Variants in MDGA2 observed in about 807,000 individuals in gnomAD.
MDGA2 encodes the protein MAM domain containing glycosylphosphatidylinositol anchor 2.
MDGA2 carries 40 observed loss-of-function variants against 117.8 expected under a neutral mutation model. The ratio of observed to expected loss-of-function variants is 0.34; its 90% CI spans 0.26 to 0.44. The LOEUF is 0.44. Ranked by LOEUF, MDGA2 falls within the 20% of genes least tolerant of loss-of-function variation. The pLI, the probability that MDGA2 is intolerant of heterozygous loss-of-function variation, is 1.00. For synonymous variants in MDGA2, 452 were observed against 439.0 expected (o/e 1.03, Z -0.37); for missense variants, 1,123 against 1,250.6 (o/e 0.90, Z 1.54).
intron 1 of MDGA2, among the ~76,000 whole-genome samples, chr14:47,471,383 C>T (rs1370987622): frequency 1.3e-5 from 2 of 151,932 alleles, no homozygotes; most frequent in East Asian, 1.9e-4. Flanking sequence ...TTTATTTCTA[C>T]TCTAGATTAA....
intron 3 of MDGA2, among the ~76,000 whole-genome samples, chr14:47,173,019 C>T (rs950384895): frequency 4.6e-5 from 7 of 151,796 alleles, no homozygotes; most frequent in Non-Finnish European, 8.8e-5. Context: ...CCCCAGGAGC[C>T]GATGCGATCA....
At chr14:47,104,870 C>T (rs539668046) in intron 5 of MDGA2, among the ~76,000 whole-genome samples, 1 of 152,008 alleles carries the variant, frequency 6.6e-6, no homozygotes, top group Non-Finnish European at 1.5e-5. Flanking sequence ...ACCTCCCTCA[C>T]TATCCCTCAA....
At chr14:47,544,458 G>A (rs1895418024) in intron 1 of MDGA2, among the ~76,000 whole-genome samples, 1 of 152,102 alleles carries the variant, frequency 6.6e-6, no homozygotes, top group African/African-American at 2.4e-5. Context: ...TGAATGAATG[G>A]GTGGATGGGA....
chr14:47,248,322 AT>A lies in MDGA2; in HGVS notation c.421-30128del, dbSNP rs1023572476. Among the ~76,000 whole-genome samples, 116 of 151,836 alleles carry A rather than the reference AT, an allele frequency of 7.6e-4. 1 individual carries two copies. Among genetic ancestry groups the A allele is most frequent in the African/African-American group, 2.7e-3 (114 of 41,522 alleles). ...TCAGACGGAATAATAGGAATAGAAA[AT>A]TATAACATAAAAAGCATGCCTCTTT... On this transcript the variant is annotated intron_variant, in intron 2 of 16. Coordinates refer to ENST00000399232, the MANE Select transcript of MDGA2 (RefSeq NM_001113498.3).
chr14:47,386,441 C>G (rs1330947634), intron 1 of MDGA2, among the ~76,000 whole-genome samples: 1 of 152,126 alleles, frequency 6.6e-6, no homozygotes, highest in Non-Finnish European at 1.5e-5. Context: ...ATCAGTTTCA[C>G]AATGAAATGG....
chr14:47,091,054 A>C (rs1879626305), intron 6 of MDGA2, among the ~76,000 whole-genome samples: 1 of 152,224 alleles, frequency 6.6e-6, no homozygotes, highest in South Asian at 2.1e-4. Flanking sequence ...GTTACATAGC[A>C]ATGAATAATC....
At chr14:47,069,887 C>A (rs1314116849) in intron 6 of MDGA2, among the ~76,000 whole-genome samples, 1 of 152,156 alleles carries the variant, frequency 6.6e-6, no homozygotes. Flanking sequence ...TAATTACTAA[C>A]AATTTATGTA....
intron 1 of MDGA2, among the ~76,000 whole-genome samples, chr14:47,476,344 T>A (rs1490848578): frequency 9.9e-5 from 15 of 152,028 alleles, no homozygotes; most frequent in Admixed American, 9.8e-4. Flanking sequence ...AATAAAATAA[T>A]GTTAAATAAG....
At chr14:47,313,992 A>G (rs1889723440) in intron 1 of MDGA2, among the ~76,000 whole-genome samples, 1 of 152,186 alleles carries the variant, frequency 6.6e-6, no homozygotes, top group East Asian at 1.9e-4. Context: ...ATACACTTGT[A>G]ACTCCAAATA....
At chr14:47,431,573 C>T (rs536084743) in intron 1 of MDGA2, among the ~76,000 whole-genome samples, 1 of 152,116 alleles carries the variant, frequency 6.6e-6, no homozygotes, top group East Asian at 1.9e-4. Context: ...CAGGTCTTGG[C>T]TTTACTACTA....
chr14:47,008,907 C>T (rs886853152), intron 8 of MDGA2, among the ~76,000 whole-genome samples: 4 of 151,914 alleles, frequency 2.6e-5, no homozygotes, highest in African/African-American at 7.2e-5. Flanking sequence ...CTGAGCACAT[C>T]TTAGCTGTTC....
chr14:47,186,509 T>A (rs538681308), intron 3 of MDGA2, among the ~76,000 whole-genome samples: 1 of 151,906 alleles, frequency 6.6e-6, no homozygotes, highest in African/African-American at 2.4e-5. Flanking sequence ...GGGTGCTTAC[T>A]ATAGCCTAAT....
chr14:46,912,445 GA>G (rs1158791287), intron 10 of MDGA2, among the ~76,000 whole-genome samples: 1 of 152,032 alleles, frequency 6.6e-6, no homozygotes, highest in Non-Finnish European at 1.5e-5. Context: ...ACATATTGAA[GA>G]AAAAGTGTTC....
chr14:47,076,431 CAGTT>C (rs1166221063), intron 6 of MDGA2, among the ~76,000 whole-genome samples: 3 of 151,988 alleles, frequency 2.0e-5, no homozygotes, highest in Admixed American at 6.6e-5. Context: ...TCTGAAAGCT[CAGTT>C]AGGCCAAATG....
intron 5 of MDGA2, among the ~76,000 whole-genome samples, chr14:47,107,471 C>T (rs1230975716): frequency 6.6e-6 from 1 of 152,072 alleles, no homozygotes; most frequent in Non-Finnish European, 1.5e-5. Flanking sequence ...CACCCTTAAT[C>T]CCAGGCTCTC....
At chr14:47,478,715 G>A (rs893590591) in intron 1 of MDGA2, among the ~76,000 whole-genome samples, 2 of 152,172 alleles carry the variant, frequency 1.3e-5, no homozygotes, top group Non-Finnish European at 2.9e-5. Flanking sequence ...TACAAGAGCA[G>A]TATCTCTCCT....
At position 47,155,885 on chromosome 14, in the gene MDGA2, CTTCTTTTTTTTTTT is replaced by C. The variant is rs1199920218; in HGVS notation, c.596-11625_596-11612del. On this transcript the variant is annotated intron_variant, in intron 3 of 16. Coordinates refer to ENST00000399232, the MANE Select transcript of MDGA2 (RefSeq NM_001113498.3). Reference sequence around the variant, plus strand: ...ACAATTCTTTTCTTTTCTTCTTCTTCTTCTTTTTTTTTTTTTTTTTTTTTTTTTTTTTTTTTTTT... The same window carrying C: ...ACAATTCTTTTCTTTTCTTCTTCTTCTTTTTTTTTTTTTTTTTTTTTTTTT... 4.8e-3 allele frequency among the ~76,000 whole-genome samples: 384 copies of C among 79,962 alleles called. 16 individuals carry two copies. The highest frequency in any genetic ancestry group is 0.011 in the Admixed American group (65 of 5,934). The allele number at this position is 79,962 out of a possible 152,430, so 52.5% of individuals were successfully genotyped here. A position where few individuals can be genotyped will look rare whatever the true frequency, so the allele number is the denominator to read the frequency against.
At chr14:47,243,686 T>A (rs1887144249) in intron 2 of MDGA2, among the ~76,000 whole-genome samples, 2 of 150,906 alleles carry the variant, frequency 1.3e-5, no homozygotes, top group African/African-American at 4.9e-5. Flanking sequence ...TCCGAACAGA[T>A]CTGAACATCA....
chr14:47,675,090 G>A lies in MDGA2; in HGVS notation c.-294C>T, dbSNP rs1046835940. The stretch of plus-strand genomic sequence containing the variant: ...GGCTTGGACAGCCGAGGAGCAGGAA[G>A]TGGCCTCTGACCCAGGACACCGAGC... On this transcript the variant is annotated 5_prime_UTR_variant, in exon 1 of 17. Transcript: ENST00000399232. The A allele has an allele frequency of 6.2e-6, 1 of 160,474 alleles. No individual in the cohort carries two copies. Among genetic ancestry groups the A allele is most frequent in the Non-Finnish European group, 1.4e-5 (1 of 73,556 alleles). The allele number at this position is 160,474 out of a possible 1,614,324, so 9.9% of individuals were successfully genotyped here. A position where few individuals can be genotyped will look rare whatever the true frequency, so the allele number is the denominator to read the frequency against.
Sources: allele counts gnomAD v4.1 joint callset (sites outside exome capture counted in the v4.1 genomes callset), GRCh38; gene constraint gnomAD v4.1.1; transcripts MANE v1.5; gene names NCBI Gene and HGNC (gene_info 2026-07-23, HGNC 2026-07-21).